The following HFM1 variants were observed in gnomAD, a reference collection of about 807,000 sequenced individuals.
HFM1 encodes the protein helicase for meiosis 1.
A neutral mutation model predicts 192.1 loss-of-function variants in HFM1; 169 were observed. That is an observed-to-expected ratio of 0.88 (90% CI 0.78 to 1.00). The LOEUF (loss-of-function observed/expected upper bound fraction) is 1.00. Ranked by LOEUF, HFM1 falls within the 50% of genes least tolerant of loss-of-function variation. The pLI, the probability that HFM1 is intolerant of heterozygous loss-of-function variation, is 0.00. For missense variants in HFM1, 1,661 were observed against 1,668.0 expected (o/e 1.00, Z 0.07); for synonymous variants, 525 against 537.8 (o/e 0.98, Z 0.33).
intron 4 of HFM1, among the ~76,000 whole-genome samples, chr1:91,393,821 T>A (rs1663299488): frequency 6.6e-6 from 1 of 152,116 alleles, no homozygotes; most frequent in South Asian, 2.1e-4. Flanking sequence ...TGCATAATAA[T>A]CACCTAGAAA....
chr1:91,352,705 G>A, intron 15 of HFM1, 54 bp from the exon 16 acceptor site: 1 of 1,336,906 alleles, frequency 7.5e-7, no homozygotes, highest in South Asian at 1.7e-5. Context: ...GTTGCTTCAG[G>A]AACATTTTTT....
At chr1:91,278,360 G>A (rs995568412) in intron 30 of HFM1, among the ~76,000 whole-genome samples, 5 of 151,962 alleles carry the variant, frequency 3.3e-5, no homozygotes, top group Non-Finnish European at 5.9e-5. Flanking sequence ...CTAGTAGCAC[G>A]GGGAAGGAGA....
At chr1:91,315,489 A>T (rs988273779) in intron 28 of HFM1, among the ~76,000 whole-genome samples, 1 of 152,228 alleles carries the variant, frequency 6.6e-6, no homozygotes, top group South Asian at 2.1e-4. Flanking sequence ...GAAAGACTGC[A>T]TCCAAACAGT....
intron 6 of HFM1, among the ~76,000 whole-genome samples, chr1:91,381,211 T>A (rs1661515796): frequency 6.6e-6 from 1 of 152,140 alleles, no homozygotes; most frequent in South Asian, 2.1e-4. Flanking sequence ...TAAGAGATTA[T>A]ATAAGGGTTA....
intron 3 of HFM1, among the ~76,000 whole-genome samples, chr1:91,395,896 T>C (rs935338307): frequency 9.9e-5 from 15 of 151,358 alleles, no homozygotes; most frequent in African/African-American, 3.2e-4. Flanking sequence ...TTGCCCAGGA[T>C]AGAGTGCAGT....
chr1:91,379,348 A>T (rs575491096), intron 8 of HFM1, 134 bp from the exon 9 acceptor site: 1 of 676,508 alleles, frequency 1.5e-6, no homozygotes, highest in Admixed American at 3.3e-5. Context: ...AAAATGAACA[A>T]TATAGGCACA....
chr1:91,263,837 C>T (rs1595870), intron 36 of HFM1, among the ~76,000 whole-genome samples: 61 of 152,276 alleles, frequency 4.0e-4, no homozygotes, highest in African/African-American at 1.4e-3. Context: ...TTGTTAGAAT[C>T]CATTTTTAAG....
chr1:91,323,857 T>C (rs1652493587), intron 21 of HFM1, among the ~76,000 whole-genome samples: 1 of 152,218 alleles, frequency 6.6e-6, no homozygotes, highest in Admixed American at 6.5e-5. Context: ...ATACAAACCT[T>C]CTATTTTTCA....
chr1:91,331,240 C>T (rs1298450880), intron 20 of HFM1, among the ~76,000 whole-genome samples: 1 of 152,112 alleles, frequency 6.6e-6, no homozygotes, highest in Non-Finnish European at 1.5e-5. Flanking sequence ...AAAGAATCCA[C>T]AAGAAAACTG....
At chr1:91,353,727 C>G (rs1657313301) in intron 13 of HFM1, among the ~76,000 whole-genome samples, 2 of 138,448 alleles carry the variant, frequency 1.4e-5, no homozygotes, top group South Asian at 2.3e-4. Context: ...TTTAAAAAAA[C>G]TAGGTTAGGA....
intron 32 of HFM1, 138 bp from the exon 33 acceptor site, chr1:91,274,947 A>C: frequency 2.2e-6 from 1 of 455,954 alleles, no homozygotes; most frequent in South Asian, 4.4e-5. Flanking sequence ...TTAGTTCTTG[A>C]CTCGAATATT....
At chr1:91,370,388 C>T (rs1660013755) in intron 13 of HFM1, among the ~76,000 whole-genome samples, 1 of 152,150 alleles carries the variant, frequency 6.6e-6, no homozygotes, top group South Asian at 2.1e-4. Flanking sequence ...AAAGCTTGTC[C>T]ACCATGATCA....
At chr1:91,395,402 G>A (rs1278625947) in intron 3 of HFM1, among the ~76,000 whole-genome samples, 1 of 152,164 alleles carries the variant, frequency 6.6e-6, no homozygotes, top group East Asian at 1.9e-4. Context: ...TATGTATAGA[G>A]AAGAAAAATA....
chr1:91,324,571 CTCAT>C (rs1652602409), intron 21 of HFM1, 100 bp downstream of exon 21: 2 of 630,832 alleles, frequency 3.2e-6, no homozygotes, highest in African/African-American at 1.9e-5. Context: ...TTCTTTTCTG[CTCAT>C]TCATTCTTAA....
chr1:91,288,587 G>C (rs1433095019), intron 30 of HFM1, among the ~76,000 whole-genome samples: 1 of 151,836 alleles, frequency 6.6e-6, no homozygotes, highest in African/African-American at 2.4e-5. Context: ...GACTCTTAAG[G>C]AGTATGCTGC....
intron 13 of HFM1, among the ~76,000 whole-genome samples, chr1:91,360,309 G>C (rs1658324513): frequency 6.6e-6 from 1 of 152,130 alleles, no homozygotes; most frequent in Non-Finnish European, 1.5e-5. Flanking sequence ...ACCCATCTCA[G>C]ATGCAAAGAC....
chr1:91,315,295 G>A (rs1651031615), intron 28 of HFM1, among the ~76,000 whole-genome samples: 1 of 152,154 alleles, frequency 6.6e-6, no homozygotes, highest in Admixed American at 6.5e-5. Context: ...CATCCTGGGA[G>A]AAAATAATAG....
chr1:91,286,761 C>A (rs1668016821), intron 30 of HFM1, among the ~76,000 whole-genome samples: 1 of 152,306 alleles, frequency 6.6e-6, no homozygotes, highest in South Asian at 2.1e-4. Flanking sequence ...GTTCATCTCA[C>A]TAGGGAGTGC....
chr1:91,402,058 A>G (rs546697733), intron 1 of HFM1, among the ~76,000 whole-genome samples: 1 of 152,318 alleles, frequency 6.6e-6, no homozygotes, highest in African/African-American at 2.4e-5. Flanking sequence ...ACAAACTGTA[A>G]AACATAAATC....
Sources: gnomAD v4.1 joint callset for allele counts (sites outside exome capture counted in the v4.1 genomes callset) on GRCh38, gnomAD v4.1.1 for gene constraint, MANE v1.5 for transcripts, NCBI Gene and HGNC (gene_info 2026-07-23, HGNC 2026-07-21) for gene names.